ERBB4: variants seen among roughly 807,000 people sequenced by gnomAD.
The protein encoded by ERBB4 is erb-b2 receptor tyrosine kinase 4, also known as receptor tyrosine-protein kinase erbB-4.
A neutral mutation model predicts 158.0 loss-of-function variants in ERBB4; 42 were observed. That is an observed-to-expected ratio of 0.27 (90% CI 0.21 to 0.34). ERBB4 has a LOEUF of 0.34. ERBB4 is among the 10% of genes least tolerant of loss of function. ERBB4 has a pLI of 1.00. For missense variants in ERBB4, 1,333 were observed against 1,624.1 expected (o/e 0.82, Z 3.08); for synonymous variants, 583 against 558.7 (o/e 1.04, Z -0.61).
intron 1 of ERBB4, among the ~76,000 whole-genome samples, chr2:212,447,871 T>C (rs1278735196): frequency 2.6e-5 from 4 of 151,950 alleles, no homozygotes; most frequent in African/African-American, 4.8e-5. Flanking sequence ...AAAACTCTTA[T>C]ACTGTGTTCT....
chr2:211,588,268 G>A lies in ERBB4; in HGVS notation c.2302-26180C>T, dbSNP rs573155180. ...TTTGGGCAAGCATTGAGTAAACTGA[G>A]ATAATATGGGTATGAAAATTCATCA... On this transcript the variant is annotated intron_variant, in intron 19 of 27. Coordinates refer to ENST00000342788, the MANE Select transcript of ERBB4 (RefSeq NM_005235.3). Among the ~76,000 whole-genome samples, 5 of 152,226 alleles carry A rather than the reference G, an allele frequency of 3.3e-5. No homozygotes were observed. In the East Asian group the frequency reaches 7.7e-4, roughly 23 times the overall value.
In ERBB4 at chr2:211,476,953, T is replaced by G. The variant is rs116181210; in HGVS notation, c.2488-45853A>C. 3.8e-3 allele frequency among the ~76,000 whole-genome samples: 577 copies of G among 152,208 alleles called. 6 individuals carry two copies. Among genetic ancestry groups the G allele is most frequent in the African/African-American group, 0.013 (554 of 41,548 alleles). ...GTGCAGGGAGGGATAAACCTATATG[T>G]GATGGCTAATTTTGTGTGTCAACTT... On this transcript the variant is annotated intron_variant, in intron 20 of 27. Transcript: ENST00000342788.
chr2:211,578,453 T>C (rs772288707), intron 19 of ERBB4, among the ~76,000 whole-genome samples: 3 of 152,098 alleles, frequency 2.0e-5, no homozygotes, highest in Admixed American at 2.0e-4. Flanking sequence ...GAAGAAACTA[T>C]TTTTTAAATT....
intron 1 of ERBB4, among the ~76,000 whole-genome samples, chr2:212,190,462 G>A (rs1376610034): frequency 3.3e-5 from 5 of 151,914 alleles, no homozygotes; most frequent in Non-Finnish European, 5.9e-5. Context: ...GCGTGAACCC[G>A]GGAGGTGGGG....
intron 1 of ERBB4, among the ~76,000 whole-genome samples, chr2:212,464,771 G>A (rs1688743874): frequency 1.3e-5 from 2 of 151,958 alleles, no homozygotes; most frequent in South Asian, 4.1e-4. Context: ...AAAACAAATG[G>A]TGGTCAATTA....
chr2:211,642,819 C>A (rs1559375163), intron 16 of ERBB4, among the ~76,000 whole-genome samples: 3 of 151,980 alleles, frequency 2.0e-5, no homozygotes, highest in African/African-American at 7.2e-5. Flanking sequence ...TCAGAGCTCC[C>A]TATATGTTTT....
rs187827242 is a variant in ERBB4 at position 211,957,601 on chromosome 2, G to A, written c.235-9985C>T. 5.7e-4 allele frequency among the ~76,000 whole-genome samples: 87 copies of A among 152,134 alleles called. 1 individual carries two copies. Among genetic ancestry groups the A allele is most frequent in the East Asian group, 1.7e-3 (9 of 5,168 alleles). On this transcript the variant is annotated intron_variant, in intron 2 of 27. Transcript: ENST00000342788. ...TTTATCTGTAAAATGGGGATGTTAA[G>A]GTCTCCAAATCCTAGGATTATTTTG...
intron 3 of ERBB4, among the ~76,000 whole-genome samples, chr2:211,919,488 A>G (rs529426831): frequency 1.0e-3 from 153 of 152,184 alleles, no homozygotes; most frequent in African/African-American, 3.6e-3. Context: ...ATTAAATCCA[A>G]TGAAAGAATG....
chr2:211,808,965 G>T (rs973131236), intron 3 of ERBB4, among the ~76,000 whole-genome samples: 4 of 152,112 alleles, frequency 2.6e-5, no homozygotes, highest in Non-Finnish European at 4.4e-5. Context: ...TGTGATATTT[G>T]CACATTGATT....
chr2:212,425,245 T>C (rs2091882055), intron 1 of ERBB4, among the ~76,000 whole-genome samples: 1 of 149,750 alleles, frequency 6.7e-6, no homozygotes, highest in African/African-American at 2.4e-5. Context: ...AAAAAAATTA[T>C]TTAGAACTTT....
chr2:212,003,063 A>AAGAG (rs148188443), intron 2 of ERBB4, among the ~76,000 whole-genome samples: 4,444 of 113,720 alleles, frequency 0.039, 323 homozygotes, highest in East Asian at 0.13. Flanking sequence ...CAAAAGAGAA[A>AAGAG]AGAGAGAGAG....
chr2:212,497,155 G>A (rs955679854), intron 1 of ERBB4, among the ~76,000 whole-genome samples: 1 of 145,934 alleles, frequency 6.9e-6, no homozygotes, highest in Non-Finnish European at 1.5e-5. Context: ...TCCAGCCTGG[G>A]TGACAAGAGC....
chr2:211,821,076 G>T (rs1242467790), intron 3 of ERBB4, among the ~76,000 whole-genome samples: 1 of 151,742 alleles, frequency 6.6e-6, no homozygotes, highest in Admixed American at 6.6e-5. Flanking sequence ...ATAAATAAAG[G>T]ACATCCAAAC....
At chr2:212,339,947 C>T (rs1385949941) in intron 1 of ERBB4, among the ~76,000 whole-genome samples, 3 of 151,972 alleles carry the variant, frequency 2.0e-5, no homozygotes, top group African/African-American at 7.2e-5. Flanking sequence ...TTTAAATACA[C>T]AAACAATGAT....
At chr2:212,411,906 A>G (rs1349588142) in intron 1 of ERBB4, among the ~76,000 whole-genome samples, 1 of 152,122 alleles carries the variant, frequency 6.6e-6, no homozygotes, top group Non-Finnish European at 1.5e-5. Flanking sequence ...ACCCAAGATA[A>G]CACCATGCCA....
At chr2:211,925,895 C>T (rs991214681) in intron 3 of ERBB4, among the ~76,000 whole-genome samples, 4 of 151,962 alleles carry the variant, frequency 2.6e-5, no homozygotes, top group Non-Finnish European at 5.9e-5. Context: ...GAACAGATCA[C>T]ATAATATTCT....
intron 1 of ERBB4, among the ~76,000 whole-genome samples, chr2:212,191,960 ATATATGT>A (rs1265317474): frequency 2.4e-5 from 3 of 126,032 alleles, no homozygotes; most frequent in Admixed American, 8.6e-5. Context: ...TATATATGTT[ATATATGT>A]TATATGTTAT....
At chr2:212,386,016 T>A (rs1182283324) in intron 1 of ERBB4, among the ~76,000 whole-genome samples, 6 of 151,844 alleles carry the variant, frequency 4.0e-5, no homozygotes, top group Non-Finnish European at 8.8e-5. Context: ...TCAGTCTCTA[T>A]CTTACCAGCG....
rs1170068890 is a variant in ERBB4 at position 212,487,056 on chromosome 2, C to T, written c.82+51393G>A. The stretch of plus-strand genomic sequence containing the variant: ...TTACTCATGTTTGTGAAAAATATCT[C>T]TTAAGCATTTTTTTAAAATACCATG... On this transcript the variant is annotated intron_variant, in intron 1 of 27. Transcript: ENST00000342788. 2.6e-5 allele frequency among the ~76,000 whole-genome samples: 4 copies of T among 152,224 alleles called. No homozygotes were observed. In the South Asian group the frequency reaches 6.2e-4, roughly 24 times the overall value.
Sources: gnomAD v4.1 joint callset for allele counts (sites outside exome capture counted in the v4.1 genomes callset) on GRCh38, gnomAD v4.1.1 for gene constraint, MANE v1.5 for transcripts, NCBI Gene and HGNC (gene_info 2026-07-23, HGNC 2026-07-21) for gene names.